Variants in VPS13B observed in about 807,000 individuals in gnomAD.
VPS13B encodes intermembrane lipid transfer protein VPS13B.
A neutral mutation model predicts 426.4 loss-of-function variants in VPS13B; 285 were observed. The observed-to-expected ratio is 0.67, with a 90% confidence interval of 0.61 to 0.74. The LOEUF (loss-of-function observed/expected upper bound fraction) is 0.74. Ranked by LOEUF, VPS13B falls within the 30% of genes least tolerant of loss-of-function variation. The pLI, the probability that VPS13B is intolerant of heterozygous loss-of-function variation, is 0.00. For missense variants in VPS13B, 4,537 were observed against 4,782.6 expected (o/e 0.95, Z 1.51); for synonymous variants, 1,676 against 1,676.4 (o/e 1.00, Z 0.01).
At chr8:99,055,151 G>C (rs1310585948) in intron 3 of VPS13B, among the ~76,000 whole-genome samples, 1 of 150,678 alleles carries the variant, frequency 6.6e-6, no homozygotes. Context: ...TGATTCTCCA[G>C]CCTTAACTTC....
chr8:99,812,162 TC>T (rs1813737456), intron 44 of VPS13B, among the ~76,000 whole-genome samples: 1 of 152,198 alleles, frequency 6.6e-6, no homozygotes, highest in Non-Finnish European at 1.5e-5. Flanking sequence ...TTTTACCTCT[TC>T]CCTGCCCCCT....
At chr8:99,564,503 A>C (rs1825092655) in intron 31 of VPS13B, among the ~76,000 whole-genome samples, 1 of 152,170 alleles carries the variant, frequency 6.6e-6, no homozygotes, top group Non-Finnish European at 1.5e-5. Flanking sequence ...TAAGGCCGGG[A>C]GGCTGGAGTT....
rs1303764957 is a variant in VPS13B at position 99,776,882 on chromosome 8, C to T, written c.7355C>T (p.Pro2452Leu). ...VDSCFTPWFVPSLCVSFQFAH... is the reference protein window; with the variant it reads ...VDSCFTPWFVLSLCVSFQFAH... ...TCCTGCTTTACCCCATGGTTTGTCC[C>T]ATCCCTTTGCGTTTCTTTCCAGTTT... is the stretch of plus-strand genomic sequence containing the variant. Residue 2452 changes from proline to leucine, a missense_variant, in exon 41 of 62, where the codon CCA (proline) becomes CTA (leucine). Pro to Leu is a moderately conservative substitution (Grantham distance 98, BLOSUM62 -3). Transcript: ENST00000357162. The T allele has an allele frequency of 1.2e-6, 2 of 1,614,084 alleles. No individual in the cohort carries two copies. The highest frequency in any genetic ancestry group is 1.7e-6 in the Non-Finnish European group (2 of 1,179,980).
chr8:99,579,969 A>G (rs1825972277), intron 33 of VPS13B, among the ~76,000 whole-genome samples: 2 of 152,170 alleles, frequency 1.3e-5, no homozygotes, highest in South Asian at 4.1e-4. Flanking sequence ...AAGTGCTGAG[A>G]TTACAGGCGT....
At chr8:99,629,073 G>T (rs1293346762) in intron 33 of VPS13B, among the ~76,000 whole-genome samples, 2 of 152,082 alleles carry the variant, frequency 1.3e-5, no homozygotes, top group African/African-American at 4.8e-5. Context: ...CTAGCTGTAT[G>T]ATTTTGAGCA....
intron 15 of VPS13B, among the ~76,000 whole-genome samples, chr8:99,169,260 G>A (rs1363388565): frequency 6.6e-6 from 1 of 151,968 alleles, no homozygotes; most frequent in Non-Finnish European, 1.5e-5. Flanking sequence ...TTTCCACTCT[G>A]AGGTGTTTAT....
intron 16 of VPS13B, among the ~76,000 whole-genome samples, chr8:99,177,971 G>C (rs1383793084): frequency 6.6e-6 from 1 of 152,016 alleles, no homozygotes; most frequent in South Asian, 2.1e-4. Context: ...ATTTTTGTGA[G>C]GGAGAGTGAA....
intron 33 of VPS13B, among the ~76,000 whole-genome samples, chr8:99,585,284 G>C (rs748829965): frequency 3.3e-5 from 5 of 152,124 alleles, no homozygotes; most frequent in Non-Finnish European, 7.4e-5. Flanking sequence ...TTATAGACTT[G>C]AATGAATGGT....
chr8:99,777,136 C>CAGTAA (rs1811782146), intron 41 of VPS13B, among the ~76,000 whole-genome samples, 180 bp downstream of exon 41: 2 of 152,256 alleles, frequency 1.3e-5, no homozygotes, highest in Non-Finnish European at 2.9e-5. Flanking sequence ...ACTTCTGAAC[C>CAGTAA]AGCTTATGAA....
chr8:99,296,060 A>G (rs1354684704), intron 19 of VPS13B, among the ~76,000 whole-genome samples: 6 of 152,168 alleles, frequency 3.9e-5, no homozygotes, highest in African/African-American at 7.2e-5. Flanking sequence ...TATAGTTCCT[A>G]TAGTTTCTAT....
intron 30 of VPS13B, among the ~76,000 whole-genome samples, chr8:99,540,229 G>A (rs1439750531): frequency 4.0e-5 from 6 of 148,670 alleles, no homozygotes; most frequent in Admixed American, 6.7e-5. Flanking sequence ...ACAGGCACCC[G>A]CCACCATACC....
At chr8:99,317,447 T>G (rs1198680163) in intron 19 of VPS13B, among the ~76,000 whole-genome samples, 1 of 152,208 alleles carries the variant, frequency 6.6e-6, no homozygotes, top group Non-Finnish European at 1.5e-5. Context: ...ATAATAATAC[T>G]ATGCAATTAC....
At chr8:99,735,030 G>C (rs1833764520) in intron 39 of VPS13B, among the ~76,000 whole-genome samples, 1 of 152,184 alleles carries the variant, frequency 6.6e-6, no homozygotes, top group African/African-American at 2.4e-5. Context: ...CGTAGTAAAT[G>C]CCACTAGAAG....
chr8:99,832,745 C>T lies in VPS13B; in HGVS notation c.9614+93C>T, dbSNP rs549239784. The T allele has an allele frequency of 1.2e-5, 15 of 1,289,074 alleles. No homozygotes were observed. In the African/African-American group the frequency reaches 2.2e-4, roughly 19 times the overall value. 79.9% of individuals were successfully genotyped at this position (1,289,074 alleles called of 1,614,324 possible). ...AGAGAGATACAATGGTCGCAGGGCT[C>T]CCCATATGTAATATTAGGCTTTATT... On this transcript the variant is annotated intron_variant, in intron 52 of 61. Coordinates refer to ENST00000357162, the MANE Select transcript of VPS13B (RefSeq NM_152564.5).
intron 3 of VPS13B, among the ~76,000 whole-genome samples, chr8:99,084,664 C>T (rs1016610034): frequency 6.6e-6 from 1 of 152,132 alleles, no homozygotes; most frequent in Admixed American, 6.5e-5. Flanking sequence ...TCTTTGTTCT[C>T]ATTGGTTTCA....
chr8:99,137,088 G>A (rs1810109079), intron 12 of VPS13B, among the ~76,000 whole-genome samples: 1 of 151,890 alleles, frequency 6.6e-6, no homozygotes, highest in Non-Finnish European at 1.5e-5. Context: ...CACTTTGAAG[G>A]TGATACTAAT....
intron 8 of VPS13B, among the ~76,000 whole-genome samples, chr8:99,128,224 T>TA (rs1371251545): frequency 6.6e-6 from 1 of 151,224 alleles, no homozygotes; most frequent in African/African-American, 2.4e-5. Context: ...CCGTCTTTAC[T>TA]AAAAATAGAG....
At chr8:99,429,195 G>A (rs983011702) in intron 21 of VPS13B, among the ~76,000 whole-genome samples, 3 of 152,014 alleles carry the variant, frequency 2.0e-5, no homozygotes, top group Non-Finnish European at 2.9e-5. Flanking sequence ...AAGAGTTAAT[G>A]GGTGCAGCCC....
chr8:99,265,177 A>G (rs1372623670), intron 17 of VPS13B, among the ~76,000 whole-genome samples: 1 of 151,784 alleles, frequency 6.6e-6, no homozygotes, highest in East Asian at 1.9e-4. Flanking sequence ...TCCTTTTATT[A>G]TGTTTTAAAA....
Sources: allele counts gnomAD v4.1 joint callset (sites outside exome capture counted in the v4.1 genomes callset), GRCh38; gene constraint gnomAD v4.1.1; transcripts MANE v1.5; gene names NCBI Gene and HGNC (gene_info 2026-07-23, HGNC 2026-07-21).